ITGA2: variants seen among roughly 807,000 people sequenced by gnomAD.
ITGA2 encodes integrin alpha-2.
Under a neutral mutation model 146.3 loss-of-function variants are expected in ITGA2, and 101 were observed. The observed-to-expected ratio is 0.69, with a 90% CI of 0.59 to 0.81. The LOEUF (loss-of-function observed/expected upper bound fraction) is 0.81. Ranked by LOEUF, ITGA2 falls within the 40% of genes least tolerant of loss-of-function variation. ITGA2 has a pLI of 0.00. For missense variants in ITGA2, 1,281 were observed against 1,402.7 expected (o/e 0.91, Z 1.39); for synonymous variants, 477 against 487.1 (o/e 0.98, Z 0.27).
chr5:52,997,401 T>C (rs1052137787), intron 1 of ITGA2, among the ~76,000 whole-genome samples: 5 of 152,066 alleles, frequency 3.3e-5, no homozygotes, highest in African/African-American at 1.2e-4. Context: ...GCTTTCTGTA[T>C]AAAAATGAAG....
intron 1 of ITGA2, among the ~76,000 whole-genome samples, chr5:53,021,084 T>A (rs537315105): frequency 4.6e-5 from 7 of 152,300 alleles, no homozygotes; most frequent in Non-Finnish European, 8.8e-5. Context: ...ACTATTCACA[T>A]ATATTTTACC....
rs3212593 is a variant in ITGA2 at position 53,074,902 on chromosome 5, G to T, written c.2665-159G>T. ...CTAATGTGAGGCATAGTAAAACAAG[G>T]TGGACAAATAAAGATATTCCACAAA... On this transcript the variant is annotated intron_variant, in intron 21 of 29. Coordinates refer to ENST00000296585, the MANE Select transcript of ITGA2 (RefSeq NM_002203.4). Among the ~76,000 whole-genome samples, 16,709 of 151,934 alleles carry T rather than the reference G, an allele frequency of 0.11. 1,121 individuals carry two copies. The highest frequency in any genetic ancestry group is 0.18 in the African/African-American group (7,643 of 41,452).
chr5:53,078,733 C>A (rs1247844059), intron 23 of ITGA2, 39 bp from the exon 24 acceptor site: 1 of 1,187,862 alleles, frequency 8.4e-7, no homozygotes, highest in Admixed American at 1.7e-5. Context: ...AGAACAAAAG[C>A]AAACTAAAAT....
At position 53,026,539 on chromosome 5, in the gene ITGA2, G is replaced by A. The variant is rs3212666; in HGVS notation, c.65-209G>A. Reference sequence around the variant, plus strand: ...CTAGCATTTCCATGAAGATTAGTAAGATAATGAATTATGCATATATAGTAT... The same window carrying A: ...CTAGCATTTCCATGAAGATTAGTAAAATAATGAATTATGCATATATAGTAT... On this transcript the variant is annotated intron_variant, in intron 1 of 29. Transcript: ENST00000296585. Among the ~76,000 whole-genome samples, 8,433 of 152,192 alleles carry A rather than the reference G, an allele frequency of 0.055. 332 individuals are homozygous for A. Among genetic ancestry groups the A allele is most frequent in the Non-Finnish European group, 0.083 (5,630 of 68,004 alleles).
chr5:53,076,134 G>A (rs541126208), intron 23 of ITGA2, among the ~76,000 whole-genome samples: 1 of 152,148 alleles, frequency 6.6e-6, no homozygotes, highest in East Asian at 1.9e-4. Context: ...CAGTTGTGCA[G>A]ATGCACTGGG....
chr5:53,062,842 T>G lies in ITGA2; in HGVS notation c.1515T>G (p.Ile505Met). ...CAGTTGATGTGGATAAAGACACCAT[T>G]ACAGACGTGCTCTTGGTAGGTGCAC... ...LCSVDVDKDT[I>M]TDVLLVGAPM... Residue 505 changes from isoleucine to methionine, a missense_variant, in exon 13 of 30, where the codon ATT becomes ATG. Transcript: ENST00000296585. The G allele has an allele frequency of 6.2e-7, 1 of 1,611,932 alleles. No homozygotes were observed. Among genetic ancestry groups the G allele is most frequent in the South Asian group, 1.1e-5 (1 of 91,054 alleles).
intron 2 of ITGA2, among the ~76,000 whole-genome samples, chr5:53,036,632 C>G (rs909810234): frequency 6.6e-6 from 1 of 152,220 alleles, no homozygotes; most frequent in Non-Finnish European, 1.5e-5. Context: ...CCACCCCACA[C>G]TCCTAACTCC....
At chr5:53,046,929 A>T (rs966203115) in intron 4 of ITGA2, among the ~76,000 whole-genome samples, 2 of 152,108 alleles carry the variant, frequency 1.3e-5, no homozygotes, top group Non-Finnish European at 2.9e-5. Context: ...AACAAAAAAA[A>T]ATTTTGAATA....
At chr5:53,074,259 T>C in intron 20 of ITGA2, 126 bp from the exon 21 acceptor site, 2 of 746,154 alleles carry the variant, frequency 2.7e-6, no homozygotes, top group East Asian at 2.7e-5. Flanking sequence ...TGAGGTATAA[T>C]AAATTATTTC....
At chr5:53,029,278 C>A (rs1025690852) in intron 2 of ITGA2, among the ~76,000 whole-genome samples, 1 of 151,994 alleles carries the variant, frequency 6.6e-6, no homozygotes, top group Non-Finnish European at 1.5e-5. Flanking sequence ...TCTCAAAAAA[C>A]AAACAAAAAA....
chr5:53,080,044 G>A (rs1745842272), intron 24 of ITGA2, among the ~76,000 whole-genome samples: 1 of 152,146 alleles, frequency 6.6e-6, no homozygotes, highest in African/African-American at 2.4e-5. Context: ...GAGAGGTCAA[G>A]TTCCTTGCCC....
chr5:53,038,698 G>A (rs563196439), intron 2 of ITGA2, among the ~76,000 whole-genome samples: 2 of 152,200 alleles, frequency 1.3e-5, no homozygotes, highest in South Asian at 2.1e-4. Flanking sequence ...CTGGGCTTCC[G>A]CACTTGGTTT....
chr5:53,028,043 T>C (rs1445466224), intron 2 of ITGA2, among the ~76,000 whole-genome samples: 1 of 151,964 alleles, frequency 6.6e-6, no homozygotes, highest in Non-Finnish European at 1.5e-5. Flanking sequence ...TTGGCACCGC[T>C]GCACTCCAGC....
chr5:53,032,665 GAAGT>G (rs1299199814), intron 2 of ITGA2, among the ~76,000 whole-genome samples: 2 of 152,142 alleles, frequency 1.3e-5, no homozygotes, highest in Non-Finnish European at 2.9e-5. Context: ...TAAACTTTAT[GAAGT>G]AAGAGAAACT....
chr5:53,090,190 G>A, intron 29 of ITGA2, 128 bp downstream of exon 29: 4 of 735,760 alleles, frequency 5.4e-6, no homozygotes, highest in South Asian at 1.5e-5. Context: ...ATGCAAATTT[G>A]TTTATAATTT....
At chr5:53,023,805 A>C (rs1742804121) in intron 1 of ITGA2, among the ~76,000 whole-genome samples, 1 of 152,246 alleles carries the variant, frequency 6.6e-6, no homozygotes, top group Non-Finnish European at 1.5e-5. Flanking sequence ...TAGACAGAAT[A>C]CTTCCATTAA....
At chr5:52,997,654 A>T (rs868017057) in intron 1 of ITGA2, among the ~76,000 whole-genome samples, 11 of 152,286 alleles carry the variant, frequency 7.2e-5, no homozygotes, top group African/African-American at 2.4e-4. Context: ...TTCCATGGAT[A>T]CCATGTAGAA....
At chr5:53,038,539 A>G (rs1181013397) in intron 2 of ITGA2, among the ~76,000 whole-genome samples, 1 of 152,040 alleles carries the variant, frequency 6.6e-6, no homozygotes, top group Non-Finnish European at 1.5e-5. Flanking sequence ...ACCCCTTCAC[A>G]TAAGTGTGGC....
At chr5:53,001,764 T>C (rs1469624536) in intron 1 of ITGA2, among the ~76,000 whole-genome samples, 1 of 137,892 alleles carries the variant, frequency 7.3e-6, no homozygotes, top group Non-Finnish European at 1.5e-5. Context: ...CATTTGAGCC[T>C]AAGAGGTCAA....
Sources: allele counts gnomAD v4.1 joint callset (sites outside exome capture counted in the v4.1 genomes callset), GRCh38; gene constraint gnomAD v4.1.1; transcripts MANE v1.5; gene names NCBI Gene and HGNC (gene_info 2026-07-23, HGNC 2026-07-21).